STX8: variants seen among roughly 807,000 people sequenced by gnomAD.
The protein encoded by STX8 is syntaxin 8.
STX8 carries 23 observed loss-of-function variants against 37.5 expected under a neutral mutation model. That is an observed-to-expected ratio of 0.61 (90% CI 0.44 to 0.87). The LOEUF (loss-of-function observed/expected upper bound fraction) is 0.87, where lower values mean the gene tolerates loss of function less well. STX8 is among the 40% of genes least tolerant of loss of function. STX8 has a pLI of 0.00. For synonymous variants in STX8, 115 were observed against 99.1 expected (o/e 1.16, Z -0.95); for missense variants, 313 against 284.7 (o/e 1.10, Z -0.71).
chr17:9,424,709 T>A (rs962951037), intron 6 of STX8, among the ~76,000 whole-genome samples: 6 of 152,158 alleles, frequency 3.9e-5, no homozygotes, highest in African/African-American at 1.4e-4. Context: ...TGGGGTATGG[T>A]AGATACTTGT....
intron 4 of STX8, among the ~76,000 whole-genome samples, chr17:9,519,466 A>G (rs1245294135): frequency 6.6e-6 from 1 of 151,940 alleles, no homozygotes; most frequent in East Asian, 1.9e-4. Context: ...CCCCATTGGT[A>G]CTGCCTTGGC....
At chr17:9,545,347 A>C (rs1567604977) in intron 3 of STX8, 65 bp from the exon 4 acceptor site, 3 of 1,189,232 alleles carry the variant, frequency 2.5e-6, no homozygotes, top group Non-Finnish European at 3.7e-6. Flanking sequence ...TACATTATTA[A>C]GTTAGCTCTT....
At chr17:9,426,058 A>G (rs12453922) in intron 6 of STX8, among the ~76,000 whole-genome samples, 78,454 of 150,434 alleles carry the variant, frequency 0.52, 20,989 homozygotes, top group African/African-American at 0.64. Flanking sequence ...GAACCTAGAC[A>G]ATCTGTCTTT....
chr17:9,447,312 T>A (rs1414190238), intron 6 of STX8, among the ~76,000 whole-genome samples: 1 of 152,242 alleles, frequency 6.6e-6, no homozygotes, highest in Non-Finnish European at 1.5e-5. Context: ...AAGAATGAAG[T>A]GTGTGCACAA....
chr17:9,561,476 T>C (rs1017311203), intron 2 of STX8, among the ~76,000 whole-genome samples: 3 of 151,992 alleles, frequency 2.0e-5, no homozygotes, highest in Admixed American at 2.0e-4. Flanking sequence ...CTAGCCAACA[T>C]GGTGAAACCT....
At chr17:9,476,562 C>A (rs77292084) in intron 6 of STX8, among the ~76,000 whole-genome samples, 22,327 of 151,706 alleles carry the variant, frequency 0.15, 2,814 homozygotes, top group East Asian at 0.69. Flanking sequence ...AAGCTATTCT[C>A]CTGGCTCAGC....
intron 4 of STX8, among the ~76,000 whole-genome samples, chr17:9,525,100 C>T (rs867406464): frequency 7.9e-5 from 12 of 151,956 alleles, no homozygotes; most frequent in African/African-American, 2.9e-4. Context: ...TGAGCCACTG[C>T]GCCTGGCCAA....
At chr17:9,274,757 T>TTTTTTC (rs1907610553) in intron 7 of STX8, among the ~76,000 whole-genome samples, 1 of 127,312 alleles carries the variant, frequency 7.9e-6, no homozygotes. Context: ...TTTTCTTTTT[T>TTTTTTC]TTTTTTTTTT....
intron 6 of STX8, among the ~76,000 whole-genome samples, chr17:9,462,637 T>G (rs1905445940): frequency 6.6e-6 from 1 of 152,090 alleles, no homozygotes; most frequent in Non-Finnish European, 1.5e-5. Flanking sequence ...GCACAAGAAT[T>G]GCTTGAACCT....
intron 7 of STX8, among the ~76,000 whole-genome samples, chr17:9,298,366 C>T (rs1908642123): frequency 6.6e-6 from 1 of 152,186 alleles, no homozygotes; most frequent in Admixed American, 6.5e-5. Context: ...GAGTTCCTGG[C>T]AATGGAAAGG....
At chr17:9,515,942 G>C (rs531979196) in intron 4 of STX8, among the ~76,000 whole-genome samples, 114 of 152,232 alleles carry the variant, frequency 7.5e-4, no homozygotes, top group Admixed American at 4.3e-3. Flanking sequence ...AATGCAATAG[G>C]AAAGGGAAGG....
In STX8 at chr17:9,268,991, T is replaced by G. The variant is rs1225265328; in HGVS notation, c.644-18346A>C. Among the ~76,000 whole-genome samples the G allele has an allele frequency of 2.6e-5, 4 of 152,062 alleles. No homozygotes were observed. In the South Asian group the frequency reaches 6.2e-4, roughly 24 times the overall value. ...TCATGAAGTCAGCAGATCGAGACCA[T>G]CCTGGCTAAAACGGTGAAACCCCGT... is the stretch of plus-strand genomic sequence containing the variant. On this transcript the variant is annotated intron_variant, in intron 7 of 7. Transcript: ENST00000306357.
Position 9,430,945 on chromosome 17 carries a change from G to A in STX8, c.542-52292C>T, listed in dbSNP as rs562904278. On this transcript the variant is annotated intron_variant, in intron 6 of 7. Transcript: ENST00000306357. ...ATTACAGGCGTGAGCCACTGCCCCC[G>A]GCCTTTGGCTTGTTTTTTAATAAAT... 7.4e-5 allele frequency among the ~76,000 whole-genome samples: 11 copies of A among 148,712 alleles called. No individual in the cohort carries two copies. The East Asian group carries it at 1.8e-3, about 24-fold the overall frequency.
chr17:9,293,599 C>T lies in STX8; in HGVS notation c.644-42954G>A, dbSNP rs1908399607. 2.0e-5 allele frequency among the ~76,000 whole-genome samples: 3 copies of T among 151,948 alleles called. No individual in the cohort carries two copies. The South Asian group carries it at 6.2e-4, about 32-fold the overall frequency. On this transcript the variant is annotated intron_variant, in intron 7 of 7. Transcript: ENST00000306357. ...AGGAGGTGTAAGAAGGTCCGGCGGT[C>T]TACCCAGAAAATGTTACCATAAAAA...
At chr17:9,393,415 C>A (rs1362519081) in intron 6 of STX8, among the ~76,000 whole-genome samples, 2 of 152,174 alleles carry the variant, frequency 1.3e-5, no homozygotes, top group African/African-American at 4.8e-5. Flanking sequence ...GGATGAACAG[C>A]AGAAATGGTA....
chr17:9,268,547 C>A (rs1257565540), intron 7 of STX8, among the ~76,000 whole-genome samples: 2 of 152,144 alleles, frequency 1.3e-5, no homozygotes, highest in South Asian at 4.1e-4. Flanking sequence ...CAGTACTATC[C>A]CCAAACAATT....
chr17:9,253,962 T>C (rs1432682300), intron 7 of STX8, among the ~76,000 whole-genome samples: 1 of 152,194 alleles, frequency 6.6e-6, no homozygotes, highest in African/African-American at 2.4e-5. Context: ...GCGCAGTCAC[T>C]GCCATCCCTG....
chr17:9,413,904 A>ATCCG (rs1322076301), intron 6 of STX8, among the ~76,000 whole-genome samples: 2 of 149,132 alleles, frequency 1.3e-5, no homozygotes, highest in Non-Finnish European at 1.5e-5. Context: ...CCATCCATCC[A>ATCCG]TCCGTCCATC....
intron 1 of STX8, among the ~76,000 whole-genome samples, chr17:9,572,258 C>T (rs1907715085): frequency 6.6e-6 from 1 of 152,160 alleles, no homozygotes; most frequent in Non-Finnish European, 1.5e-5. Context: ...TTCTGTTAAA[C>T]AGCGAGCTTA....
Sources: gnomAD v4.1 joint callset for allele counts (sites outside exome capture counted in the v4.1 genomes callset) on GRCh38, gnomAD v4.1.1 for gene constraint, MANE v1.5 for transcripts, NCBI Gene and HGNC (gene_info 2026-07-23, HGNC 2026-07-21) for gene names.